ABCC8: variants seen among roughly 807,000 people sequenced by gnomAD.
The protein encoded by ABCC8 is ATP-binding cassette sub-family C member 8.
In ABCC8, 137 loss-of-function variants were observed where a neutral mutation model predicts 188.0. The ratio of observed to expected loss-of-function variants is 0.73; its 90% CI spans 0.63 to 0.84. The LOEUF is 0.84. Among genes scored for constraint, ABCC8 ranks in the 40% least tolerant of loss-of-function variants. The pLI is 0.00. For synonymous variants in ABCC8, 797 were observed against 846.5 expected (o/e 0.94, Z 1.01); for missense variants, 1,750 against 2,072.7 (o/e 0.84, Z 3.02).
intron 23 of ABCC8, 50 bp from the exon 24 acceptor site, chr11:17,407,503 G>A (rs778561629): frequency 6.2e-7 from 1 of 1,613,414 alleles, no homozygotes; most frequent in Non-Finnish European, 8.5e-7. Flanking sequence ...TATGGTTGGT[G>A]GGGGAAGGGG....
chr11:17,398,810 C>T (rs1050723433), intron 29 of ABCC8, among the ~76,000 whole-genome samples: 16 of 152,166 alleles, frequency 1.1e-4, no homozygotes, highest in African/African-American at 3.9e-4. Flanking sequence ...TTGCCTCCCT[C>T]CCCCTCTATC....
intron 16 of ABCC8, among the ~76,000 whole-genome samples, chr11:17,420,409 T>C (rs1277958966): frequency 1.3e-5 from 2 of 152,192 alleles, no homozygotes; most frequent in Admixed American, 6.5e-5. Context: ...CTGGTTCCCA[T>C]GGCTGGACAG....
chr11:17,449,240 T>C (rs1956664284), intron 7 of ABCC8, among the ~76,000 whole-genome samples: 1 of 152,214 alleles, frequency 6.6e-6, no homozygotes, highest in South Asian at 2.1e-4. Flanking sequence ...CTTTATTTTT[T>C]AAAGCAGATC....
intron 16 of ABCC8, among the ~76,000 whole-genome samples, chr11:17,424,405 G>C (rs1432831208): frequency 6.6e-6 from 1 of 152,226 alleles, no homozygotes; most frequent in Non-Finnish European, 1.5e-5. Context: ...CTGGGGCAGA[G>C]GTTTCCTAAG....
intron 30 of ABCC8, 78 bp from the exon 31 acceptor site, chr11:17,397,875 G>T: frequency 6.4e-7 from 1 of 1,570,316 alleles, no homozygotes. Context: ...TCCTTTTCGG[G>T]GCAGAGAGCA....
At chr11:17,423,067 A>G (rs1955418309) in intron 16 of ABCC8, among the ~76,000 whole-genome samples, 1 of 151,848 alleles carries the variant, frequency 6.6e-6, no homozygotes, top group Non-Finnish European at 1.5e-5. Context: ...CCTCTCTTAA[A>G]AGCGGGGCCG....
rs889083504 is a variant in ABCC8, at chr11:17,416,940, C to G, written c.2245G>C (p.Glu749Gln). 5.6e-6 allele frequency: 9 copies of G among 1,613,718 alleles called. No homozygotes were observed. Among genetic ancestry groups the G allele is most frequent in the African/African-American group, 2.7e-5 (2 of 74,966 alleles). The stretch of plus-strand genomic sequence containing the variant: ...GTCCCAAGGCTGTACCTGGGGTCCT[C>G]TCCTATCTCGCTGTCAGGAAGGCTG... ...WSSLPDSEIG[E>Q]DPSPERETAT... The change falls in exon 17 of 39, where the codon GAG becomes CAG. Residue 749 changes from glutamate to glutamine, a missense_variant. Coordinates refer to ENST00000389817, the MANE Select transcript of ABCC8 (RefSeq NM_000352.6).
Position 17,392,956 on chromosome 11 carries a change from G to A in ABCC8, c.*35C>T, listed in dbSNP as rs1256471643. On this transcript the variant is annotated 3_prime_UTR_variant, in exon 39 of 39. Coordinates refer to ENST00000389817, the MANE Select transcript of ABCC8 (RefSeq NM_000352.6). ...AAACCCAGGCAGGGGTATGGGCAGG[G>A]TCCGAATGTGGGATGGCACTTGGGC... 1.9e-6 allele frequency: 3 copies of A among 1,608,518 alleles called. No homozygotes were observed. Among genetic ancestry groups the A allele is most frequent in the East Asian group, 2.2e-5 (1 of 44,864 alleles).
At chr11:17,460,414 T>A (rs1957142290) in intron 6 of ABCC8, 74 bp downstream of exon 6, 3 of 1,606,862 alleles carry the variant, frequency 1.9e-6, no homozygotes, top group East Asian at 4.5e-5. Flanking sequence ...CTCACACACA[T>A]TGGCCTGTTG....
At chr11:17,406,487 T>TAC (rs1954529841) in intron 26 of ABCC8, 135 bp downstream of exon 26, 4 of 975,332 alleles carry the variant, frequency 4.1e-6, no homozygotes, top group South Asian at 3.3e-5. Context: ...AGGGCACTTT[T>TAC]ACACACACTG....
rs781559986 is a variant in ABCC8, at chr11:17,396,905, C to T, written c.4119+11G>A. The T allele has an allele frequency of 9.9e-6, 16 of 1,613,490 alleles. No individual in the cohort carries two copies. The highest frequency in any genetic ancestry group is 7.7e-5 in the South Asian group (7 of 91,094). On this transcript the variant is annotated intron_variant, in intron 33 of 38. Transcript: ENST00000389817. ...CTGTCCTGCAGCATTGGGTTGGGCC[C>T]GTGCTCTGACCTTCTGTCCAGGGGC...
chr11:17,419,214 T>C (rs551954645), intron 16 of ABCC8, among the ~76,000 whole-genome samples: 13 of 152,332 alleles, frequency 8.5e-5, no homozygotes, highest in African/African-American at 3.1e-4. Flanking sequence ...TGCTGTGGTC[T>C]TTACAAGAGT....
chr11:17,450,826 C>T (rs1458246780), intron 7 of ABCC8, among the ~76,000 whole-genome samples: 1 of 150,882 alleles, frequency 6.6e-6, no homozygotes, highest in Non-Finnish European at 1.5e-5. Context: ...GTAGCTGGGA[C>T]TACAGGTGCA....
Position 17,428,388 on chromosome 11 carries a change from G to C in ABCC8, c.1941C>G (p.Asn647Lys). 1.2e-6 allele frequency: 2 copies of C among 1,613,830 alleles called. No individual in the cohort carries two copies. Among genetic ancestry groups the C allele is most frequent in the South Asian group, 2.2e-5 (2 of 91,066 alleles). The change falls in exon 14 of 39, where the codon AAC (asparagine) becomes AAG (lysine). Residue 647 changes from asparagine (N) to lysine (K), a missense_variant. Coordinates refer to ENST00000389817, the MANE Select transcript of ABCC8 (RefSeq NM_000352.6). ...KYQAVPLRVV[N>K]RKRPAREDCR... is the part of the protein sequence containing the mutation. ...AATCCTCCCGGGCTGGACGCTTGCG[G>C]TTCACAACCCTGAGGGGCTGGGGGT...
intron 1 of ABCC8, 137 bp downstream of exon 1, chr11:17,476,492 C>G (rs549422043): frequency 2.8e-6 from 3 of 1,060,742 alleles, no homozygotes; most frequent in Non-Finnish European, 4.0e-6. Context: ...GGGCAGGACA[C>G]AGGGCAGGGG....
intron 6 of ABCC8, among the ~76,000 whole-genome samples, chr11:17,454,499 G>T (rs1301979187): frequency 6.6e-6 from 1 of 152,182 alleles, no homozygotes; most frequent in Non-Finnish European, 1.5e-5. Flanking sequence ...TGTCCCATTT[G>T]CCAGTGCACC....
At chr11:17,400,649 G>T (rs1224784110) in intron 29 of ABCC8, among the ~76,000 whole-genome samples, 1 of 152,106 alleles carries the variant, frequency 6.6e-6, no homozygotes, top group African/African-American at 2.4e-5. Context: ...AACTCTTTTG[G>T]GAAAAAATAA....
chr11:17,451,811 G>A (rs949611244), intron 7 of ABCC8, among the ~76,000 whole-genome samples: 1 of 152,152 alleles, frequency 6.6e-6, no homozygotes, highest in African/African-American at 2.4e-5. Context: ...CTCTAGATAC[G>A]GCCATTTGGC....
At chr11:17,418,961 C>T (rs1214403226) in intron 16 of ABCC8, among the ~76,000 whole-genome samples, 2 of 152,176 alleles carry the variant, frequency 1.3e-5, no homozygotes, top group East Asian at 3.9e-4. Context: ...TGTTTGCAAA[C>T]AACTCATCAT....
Sources: gnomAD v4.1 joint callset for allele counts (sites outside exome capture counted in the v4.1 genomes callset) on GRCh38, gnomAD v4.1.1 for gene constraint, MANE v1.5 for transcripts, NCBI Gene and HGNC (gene_info 2026-07-23, HGNC 2026-07-21) for gene names.